Variants in PTPRG observed in about 807,000 individuals in gnomAD.
The protein encoded by PTPRG is receptor-type tyrosine-protein phosphatase gamma.
PTPRG carries 102 observed loss-of-function variants against 165.3 expected under a neutral mutation model. The ratio of observed to expected loss-of-function variants is 0.62; its 90% CI spans 0.53 to 0.73. PTPRG has a LOEUF of 0.73. PTPRG is among the 30% of genes least tolerant of loss of function. The pLI is 0.00. For missense variants in PTPRG, 1,866 were observed against 1,861.4 expected, an observed-to-expected ratio of 1.00 and a Z score of -0.05; for synonymous variants, 675 against 669.5, an observed-to-expected ratio of 1.01 and a Z score of -0.13.
chr3:61,673,126 C>T (rs887760477), intron 1 of PTPRG, among the ~76,000 whole-genome samples: 1 of 152,090 alleles, frequency 6.6e-6, no homozygotes, highest in Non-Finnish European at 1.5e-5. Context: ...GTGGCACCTG[C>T]ACTCCAGCCT....
chr3:62,201,791 T>G (rs1214903462), intron 11 of PTPRG, among the ~76,000 whole-genome samples: 1 of 152,194 alleles, frequency 6.6e-6, no homozygotes, highest in Non-Finnish European at 1.5e-5. Context: ...TTCTTCATAT[T>G]TTTAGTTATG....
chr3:62,147,038 T>C (rs149344217), intron 6 of PTPRG, among the ~76,000 whole-genome samples: 1 of 152,328 alleles, frequency 6.6e-6, no homozygotes, highest in East Asian at 1.9e-4. Flanking sequence ...AAAGAGACCA[T>C]GTTAGCCAAT....
chr3:62,074,133 C>T (rs1428785733), intron 4 of PTPRG, among the ~76,000 whole-genome samples: 2 of 150,744 alleles, frequency 1.3e-5, no homozygotes, highest in Non-Finnish European at 1.5e-5. Context: ...GGTAAAGGGG[C>T]CTATTATCTC....
intron 15 of PTPRG, among the ~76,000 whole-genome samples, chr3:62,248,362 G>A (rs1448749389): frequency 6.6e-6 from 1 of 152,130 alleles, no homozygotes; most frequent in African/African-American, 2.4e-5. Flanking sequence ...TTTTTCAAAA[G>A]AAAATGTTCC....
rs144721591 is a variant in PTPRG, at chr3:62,168,090, C to T, written c.960C>T (p.Ser320=). ...TGCATGACAGGGTGGTGTCCAAGTC[C>T]GCCGTCCGTGACTCCTGGAACCACG... is the stretch of plus-strand genomic sequence containing the variant. ...QRLHDRVVSK[S]AVRDSWNHDM... Residue 320 remains serine, a synonymous_variant, in exon 8 of 30, where the codon TCC becomes TCT. Transcript: ENST00000474889. The T allele has an allele frequency of 5.4e-4, 877 of 1,614,032 alleles. No homozygotes were observed. Among genetic ancestry groups the T allele is most frequent in the Non-Finnish European group, 6.4e-4 (753 of 1,180,002 alleles).
chr3:61,903,356 C>T (rs865918812), intron 2 of PTPRG, among the ~76,000 whole-genome samples: 1 of 152,148 alleles, frequency 6.6e-6, no homozygotes, highest in Non-Finnish European at 1.5e-5. Flanking sequence ...ACTGCAGTCA[C>T]GTGGCTATTG....
chr3:61,785,950 C>T (rs2034685586), intron 2 of PTPRG, among the ~76,000 whole-genome samples: 1 of 152,116 alleles, frequency 6.6e-6, no homozygotes, highest in South Asian at 2.1e-4. Flanking sequence ...CTTCCCTGGG[C>T]CTGTCAGTAA....
intron 2 of PTPRG, among the ~76,000 whole-genome samples, chr3:61,864,675 G>A (rs1335712472): frequency 6.6e-6 from 1 of 151,324 alleles, no homozygotes; most frequent in East Asian, 2.0e-4. Context: ...CTTTAAATCC[G>A]GTTCACCAGC....
chr3:61,957,704 G>A (rs2040065069), intron 2 of PTPRG, among the ~76,000 whole-genome samples: 1 of 152,216 alleles, frequency 6.6e-6, no homozygotes, highest in Admixed American at 6.5e-5. Flanking sequence ...GTCCTGGAGT[G>A]ACTGGTCAAA....
chr3:61,611,791 G>C (rs1024377378), intron 1 of PTPRG, among the ~76,000 whole-genome samples: 1 of 152,202 alleles, frequency 6.6e-6, no homozygotes, highest in South Asian at 2.1e-4. Context: ...TTTATTTATA[G>C]ACTCTGAAGT....
At chr3:61,910,275 T>C (rs759144404) in intron 2 of PTPRG, among the ~76,000 whole-genome samples, 2 of 152,214 alleles carry the variant, frequency 1.3e-5, no homozygotes, top group Non-Finnish European at 2.9e-5. Flanking sequence ...ATTTAGTGAA[T>C]TTGTTTGTTG....
At chr3:61,726,840 G>T (rs966951427) in intron 1 of PTPRG, among the ~76,000 whole-genome samples, 1 of 152,144 alleles carries the variant, frequency 6.6e-6, no homozygotes, top group South Asian at 2.1e-4. Context: ...GAGGTCAGGA[G>T]ATCCAGACCA....
chr3:62,047,123 G>A (rs1700318802), intron 4 of PTPRG, among the ~76,000 whole-genome samples: 1 of 152,092 alleles, frequency 6.6e-6, no homozygotes, highest in Non-Finnish European at 1.5e-5. Flanking sequence ...AGTCTTTCTG[G>A]TTAAAACATG....
intron 2 of PTPRG, among the ~76,000 whole-genome samples, chr3:61,909,195 A>G (rs2038736937): frequency 6.6e-6 from 1 of 152,176 alleles, no homozygotes; most frequent in Non-Finnish European, 1.5e-5. Context: ...TCAGCTACTG[A>G]GAATTTTAGA....
chr3:61,965,537 C>T (rs1289423400), intron 2 of PTPRG, among the ~76,000 whole-genome samples: 2 of 150,234 alleles, frequency 1.3e-5, no homozygotes, highest in African/African-American at 4.9e-5. Context: ...GGTGGACTTA[C>T]TTTAATGAGC....
chr3:61,592,695 A>T (rs1700602751), intron 1 of PTPRG, among the ~76,000 whole-genome samples: 3 of 125,024 alleles, frequency 2.4e-5, no homozygotes, highest in East Asian at 2.3e-4. Context: ...TAGCTTGTGG[A>T]CTCTCTCAAT....
chr3:61,828,699 TG>T (rs1280720381), intron 2 of PTPRG, among the ~76,000 whole-genome samples: 1 of 152,124 alleles, frequency 6.6e-6, no homozygotes, highest in African/African-American at 2.4e-5. Context: ...AGGATAGTAT[TG>T]GACTTGAGCC....
At chr3:61,902,199 C>A (rs2038516200) in intron 2 of PTPRG, among the ~76,000 whole-genome samples, 1 of 152,146 alleles carries the variant, frequency 6.6e-6, no homozygotes, top group South Asian at 2.1e-4. Flanking sequence ...TGTTTCCAGG[C>A]TGATTGGAAC....
chr3:61,571,578 T>C (rs1387693637), intron 1 of PTPRG, among the ~76,000 whole-genome samples: 5 of 152,214 alleles, frequency 3.3e-5, no homozygotes, highest in Admixed American at 1.3e-4. Context: ...CAAATTACTT[T>C]AGCTTCTGAA....
Sources: allele counts gnomAD v4.1 joint callset (sites outside exome capture counted in the v4.1 genomes callset), GRCh38; gene constraint gnomAD v4.1.1; transcripts MANE v1.5; gene names NCBI Gene and HGNC (gene_info 2026-07-23, HGNC 2026-07-21).